Variants in DYM observed in about 807,000 individuals in gnomAD.
The protein encoded by DYM is dyggve-Melchior-Clausen syndrome protein.
DYM carries 78 observed loss-of-function variants against 93.1 expected under a neutral mutation model. That is an observed-to-expected ratio of 0.84 (90% CI 0.70 to 1.01). The LOEUF (loss-of-function observed/expected upper bound fraction) is 1.01. Among genes scored for constraint, DYM ranks in the 50% least tolerant of loss-of-function variants. The pLI, the probability that DYM is intolerant of heterozygous loss-of-function variation, is 0.00. For missense variants in DYM, 789 were observed against 845.0 expected (o/e 0.93, Z 0.82); for synonymous variants, 321 against 319.7 (o/e 1.00, Z -0.04).
chr18:49,219,641 G>C (rs915130972), intron 13 of DYM, among the ~76,000 whole-genome samples: 1 of 151,968 alleles, frequency 6.6e-6, no homozygotes, highest in South Asian at 2.1e-4. Context: ...TATAAACAGA[G>C]CCAAAGACAA....
intron 6 of DYM, chr18:49,359,699 T>C (rs2065859552): frequency 6.6e-6 from 1 of 152,252 alleles, no homozygotes. Context: ...TTTACGCTAG[T>C]TTGAATTACC....
At chr18:49,455,708 T>C (rs2082922713) in intron 1 of DYM, among the ~76,000 whole-genome samples, 2 of 152,190 alleles carry the variant, frequency 1.3e-5, no homozygotes, top group East Asian at 1.9e-4. Flanking sequence ...TCCCAGCACT[T>C]TGGGAGGCCG....
At chr18:49,357,382 C>T (rs765244037) in intron 6 of DYM, among the ~76,000 whole-genome samples, 1 of 152,142 alleles carries the variant, frequency 6.6e-6, no homozygotes, top group East Asian at 1.9e-4. Context: ...TAAAGCCCAT[C>T]GTCCCTAAAC....
intron 2 of DYM, among the ~76,000 whole-genome samples, chr18:49,406,073 T>A (rs1282118763): frequency 3.3e-5 from 5 of 152,190 alleles, no homozygotes; most frequent in Non-Finnish European, 5.9e-5. Context: ...GTACATTGAT[T>A]TTGTATCCTT....
chr18:49,386,651 T>C (rs1254115380), intron 3 of DYM, among the ~76,000 whole-genome samples: 2 of 152,182 alleles, frequency 1.3e-5, no homozygotes, highest in Non-Finnish European at 2.9e-5. Flanking sequence ...ACATGATGAC[T>C]AGATGTCATG....
intron 13 of DYM, among the ~76,000 whole-genome samples, chr18:49,210,690 A>C (rs1319964456): frequency 2.6e-5 from 4 of 152,204 alleles, no homozygotes; most frequent in African/African-American, 9.6e-5. Flanking sequence ...TAAACTATGT[A>C]GTTTGGATGA....
At chr18:49,187,723 A>C (rs1437979241) in intron 14 of DYM, among the ~76,000 whole-genome samples, 2 of 152,216 alleles carry the variant, frequency 1.3e-5, no homozygotes, top group Non-Finnish European at 2.9e-5. Flanking sequence ...TATTTATATA[A>C]ATATAGACCA....
At chr18:49,249,084 G>A (rs992814560) in intron 13 of DYM, among the ~76,000 whole-genome samples, 4 of 152,166 alleles carry the variant, frequency 2.6e-5, no homozygotes, top group African/African-American at 4.8e-5. Flanking sequence ...TTGGATCCAT[G>A]GTCCCATGGT....
rs185611279 is a variant in DYM, at chr18:49,364,819, A to G, written c.422-1586T>C. On this transcript the variant is annotated intron_variant, in intron 5 of 17. Coordinates refer to ENST00000675505, the MANE Select transcript of DYM (RefSeq NM_001353214.3). ...TTCCCTCTGCCTGGAATAGCCTCCAACAATAAAAACCTAGTTTTTAAAAAG... is the reference window on the plus strand; with the variant it reads ...TTCCCTCTGCCTGGAATAGCCTCCAGCAATAAAAACCTAGTTTTTAAAAAG... 5.2e-3 allele frequency among the ~76,000 whole-genome samples: 790 copies of G among 152,222 alleles called. 26 individuals carry two copies. The South Asian group carries it at 0.076, about 15-fold the overall frequency.
At chr18:49,393,662 C>T (rs774258015) in intron 2 of DYM, 4 of 152,022 alleles carry the variant, frequency 2.6e-5, no homozygotes, top group African/African-American at 7.3e-5. Context: ...TTCAGCTACT[C>T]GGGAGGCTGA....
chr18:49,405,521 C>T lies in DYM; in HGVS notation c.141-13876G>A, dbSNP rs574449506. ...AAGTCTTTTCCTTATGATTTTTGTCCGCTTTGACAAAGATCAGATAGCTGT... is the reference window on the plus strand; with the variant it reads ...AAGTCTTTTCCTTATGATTTTTGTCTGCTTTGACAAAGATCAGATAGCTGT... On this transcript the variant is annotated intron_variant, in intron 2 of 17. Transcript: ENST00000675505. Among the ~76,000 whole-genome samples the T allele has an allele frequency of 5.3e-4, 81 of 152,122 alleles. 1 individual carries two copies. Among genetic ancestry groups the T allele is most frequent in the Middle Eastern group, 3.4e-3 (1 of 294 alleles).
chr18:49,428,423 G>A (rs2074503144), intron 2 of DYM, among the ~76,000 whole-genome samples: 2 of 152,060 alleles, frequency 1.3e-5, no homozygotes, highest in South Asian at 4.2e-4. Context: ...AGTGTCTCAC[G>A]CCTGTAATCC....
intron 13 of DYM, among the ~76,000 whole-genome samples, chr18:49,221,087 T>C (rs956361438): frequency 2.0e-5 from 3 of 152,062 alleles, no homozygotes; most frequent in Admixed American, 1.3e-4. Flanking sequence ...CATCAAAAAG[T>C]GGGTGAAGAA....
intron 1 of DYM, among the ~76,000 whole-genome samples, chr18:49,452,538 A>G (rs1253426143): frequency 6.6e-6 from 1 of 152,170 alleles, no homozygotes; most frequent in Non-Finnish European, 1.5e-5. Flanking sequence ...CAGATTAGCT[A>G]GATACAGAGT....
chr18:49,299,027 G>C (rs1392139064), intron 8 of DYM, among the ~76,000 whole-genome samples: 1 of 152,062 alleles, frequency 6.6e-6, no homozygotes, highest in Non-Finnish European at 1.5e-5. Context: ...AGCTCAGAGG[G>C]GCAGACAACC....
Position 49,209,697 on chromosome 18 carries a change from C to T in DYM, c.1479G>A (p.Leu493=). 7.8e-7 allele frequency: 1 copy of T among 1,280,554 alleles called. No homozygotes were observed. The highest frequency in any genetic ancestry group is 1.0e-6 in the Non-Finnish European group (1 of 983,630). The allele number at this position is 1,280,554 out of a possible 1,614,324, so 79.3% of individuals were successfully genotyped here. Residue 493 remains leucine, a synonymous_variant, in exon 14 of 18, where the codon TTG becomes TTA. Coordinates refer to ENST00000675505, the MANE Select transcript of DYM (RefSeq NM_001353214.3). ...TGTCCAACACATAAACATATCTCCG[C>T]AAGTGGCGGCAGGTATAACTGAAAG... ...QRIISYTCRH[L]RRYVYVLDKL...
At chr18:49,198,678 A>G (rs1367085458) in intron 14 of DYM, among the ~76,000 whole-genome samples, 1 of 151,244 alleles carries the variant, frequency 6.6e-6, no homozygotes, top group Non-Finnish European at 1.5e-5. Context: ...CCACAATGAG[A>G]TACCATCTCA....
At chr18:49,295,404 TGGGA>T (rs2060461393) in intron 8 of DYM, among the ~76,000 whole-genome samples, 13 of 152,184 alleles carry the variant, frequency 8.5e-5, no homozygotes, top group Non-Finnish European at 1.8e-4. Context: ...TTCCAACAAA[TGGGA>T]TATGAACGGG....
chr18:49,172,900 C>A (rs186220184), intron 14 of DYM, among the ~76,000 whole-genome samples: 55 of 152,086 alleles, frequency 3.6e-4, no homozygotes, highest in Non-Finnish European at 6.3e-4. Context: ...TATAGTTTTA[C>A]AGTTAAGTTT....
Sources: allele counts gnomAD v4.1 joint callset (sites outside exome capture counted in the v4.1 genomes callset), GRCh38; gene constraint gnomAD v4.1.1; transcripts MANE v1.5; gene names NCBI Gene and HGNC (gene_info 2026-07-23, HGNC 2026-07-21).